The following ATP8B1 variants were observed in gnomAD, a reference collection of about 807,000 sequenced individuals.
The protein encoded by ATP8B1 is ATPase phospholipid transporting 8B1, also known as phospholipid-transporting ATPase IC.
In ATP8B1, 80 loss-of-function variants were observed where a neutral mutation model predicts 149.9. That is an observed-to-expected ratio of 0.53 (90% CI 0.45 to 0.64). The LOEUF (loss-of-function observed/expected upper bound fraction) is 0.64, where lower values mean the gene tolerates loss of function less well. Ranked by LOEUF, ATP8B1 falls within the 30% of genes least tolerant of loss-of-function variation. The probability of loss-of-function intolerance (pLI) is 0.00; values close to 1 mark genes in which losing one functional copy is unlikely to be tolerated. For synonymous variants in ATP8B1, 536 were observed against 562.8 expected (o/e 0.95, Z 0.67); for missense variants, 1,247 against 1,552.6 (o/e 0.80, Z 3.31).
chr18:57,717,547 C>CAAAAAAA (rs1163024544), intron 2 of ATP8B1, among the ~76,000 whole-genome samples: 3 of 19,928 alleles, frequency 1.5e-4, no homozygotes, highest in African/African-American at 5.0e-4. Flanking sequence ...GACTCTGTCT[C>CAAAAAAA]AAAAAAAAAA....
chr18:57,788,622 GAA>G (rs2080432902), intron 1 of ATP8B1, among the ~76,000 whole-genome samples: 2 of 151,920 alleles, frequency 1.3e-5, no homozygotes, highest in East Asian at 3.9e-4. Context: ...TGAAAGTTAG[GAA>G]AAGAGTACCC....
chr18:57,777,576 T>G (rs2080316153), intron 1 of ATP8B1, among the ~76,000 whole-genome samples: 2 of 152,200 alleles, frequency 1.3e-5, no homozygotes. Context: ...TTTTATTTAT[T>G]TATTTATTTT....
intron 15 of ATP8B1, among the ~76,000 whole-genome samples, chr18:57,678,238 A>G (rs2122772486): frequency 6.6e-6 from 1 of 152,270 alleles, no homozygotes; most frequent in South Asian, 2.1e-4. Context: ...GACTGCAAAA[A>G]TAGATAGTGG....
intron 1 of ATP8B1, among the ~76,000 whole-genome samples, chr18:57,791,966 G>C (rs1036423654): frequency 1.4e-4 from 21 of 152,142 alleles, no homozygotes; most frequent in African/African-American, 5.1e-4. Flanking sequence ...GCCAGCACCT[G>C]GCAACGTAGT....
chr18:57,781,073 T>C (rs2080351846), intron 1 of ATP8B1, among the ~76,000 whole-genome samples: 1 of 152,232 alleles, frequency 6.6e-6, no homozygotes, highest in Admixed American at 6.5e-5. Context: ...TAACCACTGC[T>C]GGTCAGATAT....
chr18:57,759,428 A>G (rs2080124206), intron 1 of ATP8B1, among the ~76,000 whole-genome samples: 1 of 152,136 alleles, frequency 6.6e-6, no homozygotes, highest in South Asian at 2.1e-4. Context: ...AACCAAGTAA[A>G]TATTCATTGA....
chr18:57,694,985 A>G (rs1391658045), intron 10 of ATP8B1, among the ~76,000 whole-genome samples, 186 bp downstream of exon 10: 3 of 132,024 alleles, frequency 2.3e-5, no homozygotes. Flanking sequence ...AGCTGAGATT[A>G]TGCCACTGCA....
chr18:57,657,198 A>G (rs1426063494), intron 22 of ATP8B1, among the ~76,000 whole-genome samples: 3 of 152,100 alleles, frequency 2.0e-5, no homozygotes, highest in Non-Finnish European at 2.9e-5. Context: ...CCAAGAAACT[A>G]TTAAACTTTC....
chr18:57,796,426 T>C (rs2080516293), intron 1 of ATP8B1, among the ~76,000 whole-genome samples: 1 of 152,184 alleles, frequency 6.6e-6, no homozygotes, highest in Non-Finnish European at 1.5e-5. Flanking sequence ...CGAGAATCAC[T>C]TGAGCTTAGG....
At chr18:57,732,825 A>C (rs963408299) in intron 1 of ATP8B1, among the ~76,000 whole-genome samples, 3 of 88,602 alleles carry the variant, frequency 3.4e-5, no homozygotes, top group Non-Finnish European at 6.6e-5. Flanking sequence ...GGCTTCCCAA[A>C]GTGCTGGGAT....
rs186560578 is a variant in ATP8B1 at position 57,732,079 on chromosome 18, A to C, written c.-25-247T>G. On this transcript the variant is annotated intron_variant, in intron 1 of 27. Transcript: ENST00000648908. ...AAACCTTTTATTTTTAAACAAGGGT[A>C]TATATATATATGTATGTGTATATAT... 1.4e-3 allele frequency: 446 copies of C among 314,954 alleles called. 7 individuals are homozygous for C. The highest frequency in any genetic ancestry group is 9.9e-3 in the African/African-American group (429 of 43,428). 19.5% of individuals were successfully genotyped at this position (314,954 alleles called of 1,614,324 possible).
chr18:57,649,924 A>G (rs1490340370), intron 27 of ATP8B1, among the ~76,000 whole-genome samples: 1 of 152,222 alleles, frequency 6.6e-6, no homozygotes, highest in Admixed American at 6.5e-5. Flanking sequence ...AAATTGCTCA[A>G]TCAACTGGGC....
At chr18:57,773,500 A>C (rs1374772891) in intron 1 of ATP8B1, among the ~76,000 whole-genome samples, 1 of 152,200 alleles carries the variant, frequency 6.6e-6, no homozygotes, top group African/African-American at 2.4e-5. Flanking sequence ...CAGGCAGCTG[A>C]ACTCTGCAAG....
At chr18:57,747,245 G>C (rs1204152202) in intron 1 of ATP8B1, among the ~76,000 whole-genome samples, 1 of 152,140 alleles carries the variant, frequency 6.6e-6, no homozygotes, top group African/African-American at 2.4e-5. Flanking sequence ...CTAAGGTCAG[G>C]AGTTCAAGAC....
At chr18:57,755,548 GAC>G (rs1255044968) in intron 1 of ATP8B1, 1 of 152,140 alleles carries the variant, frequency 6.6e-6, no homozygotes, top group African/African-American at 2.4e-5. Context: ...CTGCGGATTT[GAC>G]AGTTTCACAT....
At chr18:57,706,622 A>C in intron 2 of ATP8B1, 35 bp from the exon 3 acceptor site, 1 of 1,515,164 alleles carries the variant, frequency 6.6e-7, no homozygotes, top group Non-Finnish European at 9.1e-7. Flanking sequence ...CGTAAGTAGC[A>C]AATTAACATG....
At chr18:57,761,025 C>T (rs971529983) in intron 1 of ATP8B1, among the ~76,000 whole-genome samples, 1 of 97,528 alleles carries the variant, frequency 1.0e-5, no homozygotes, top group South Asian at 3.6e-4. Flanking sequence ...CATAAAATAA[C>T]ATAAAATAAA....
rs1473257768 is a variant in ATP8B1, at chr18:57,791,346, C to CTTTTTTTTTTTTTTTTTTTTTT, written c.-26+11651_-26+11652insAAAAAAAAAAAAAAAAAAAAAA. On this transcript the variant is annotated intron_variant, in intron 1 of 27. Coordinates refer to ENST00000648908, the MANE Select transcript of ATP8B1 (RefSeq NM_001374385.1). ...TTCCTTCCTTTTTTCTTTTTCTTTT[C>CTTTTTTTTTTTTTTTTTTTTTT]TTTTCTTTTTTTTTTTTTTTTTGAG... Among the ~76,000 whole-genome samples the CTTTTTTTTTTTTTTTTTTTTTT allele has an allele frequency of 1.7e-4, 21 of 124,960 alleles. 1 individual carries two copies. Among genetic ancestry groups the CTTTTTTTTTTTTTTTTTTTTTT allele is most frequent in the African/African-American group, 6.4e-4 (19 of 29,480 alleles). 82.0% of individuals were successfully genotyped at this position (124,960 alleles called of 152,430 possible).
chr18:57,746,453 C>T (rs973471625), intron 1 of ATP8B1, among the ~76,000 whole-genome samples: 22 of 150,696 alleles, frequency 1.5e-4, no homozygotes, highest in African/African-American at 5.4e-4. Flanking sequence ...TAGGATTATG[C>T]CCACTGATGC....
Sources: allele counts gnomAD v4.1 joint callset (sites outside exome capture counted in the v4.1 genomes callset), GRCh38; gene constraint gnomAD v4.1.1; transcripts MANE v1.5; gene names NCBI Gene and HGNC (gene_info 2026-07-23, HGNC 2026-07-21).